The following ATP6V1E1 variants were observed in gnomAD, a reference collection of about 807,000 sequenced individuals.
ATP6V1E1 encodes V-type proton ATPase subunit E 1.
Under a neutral mutation model 35.2 loss-of-function variants are expected in ATP6V1E1, and 21 were observed. The observed-to-expected ratio is 0.60, with a 90% CI of 0.42 to 0.86. The LOEUF (loss-of-function observed/expected upper bound fraction) is 0.86, where lower values mean the gene tolerates loss of function less well. Ranked by LOEUF, ATP6V1E1 falls within the 40% of genes least tolerant of loss-of-function variation. ATP6V1E1 has a pLI of 0.00. For missense variants in ATP6V1E1, 183 were observed against 272.6 expected (o/e 0.67, Z 2.32); for synonymous variants, 83 against 87.8 (o/e 0.95, Z 0.30).
rs79852314 is a variant in ATP6V1E1, at chr22:17,612,673, G to C, written c.276+139C>G. The C allele has an allele frequency of 4.3e-3, 3,373 of 780,056 alleles. 88 individuals carry two copies. In the African/African-American group the frequency reaches 0.055, roughly 13 times the overall value. The allele number at this position is 780,056 out of a possible 1,614,324, so 48.3% of individuals were successfully genotyped here. ...CAGGCCTTGGCTCTTATTCACTTTT[G>C]TATTTATTATAATAATTGGAATGTT... On this transcript the variant is annotated intron_variant, in intron 4 of 8. Transcript: ENST00000253413.
intron 1 of ATP6V1E1, among the ~76,000 whole-genome samples, chr22:17,621,853 C>T (rs5747285): frequency 0.53 from 80,611 of 151,948 alleles, 22,473 homozygotes; most frequent in African/African-American, 0.69. Flanking sequence ...TCCTCTATCA[C>T]GGCACCTAAA....
At position 17,598,040 on chromosome 22, in the gene ATP6V1E1, C is replaced by T; in HGVS notation, c.530+154G>A. Reference sequence around the variant, plus strand: ...GGAGAGCAAGAGAGCACTGCGAGAACAACAGGAACGGCTGCAAGTAGAATA... The same window carrying T: ...GGAGAGCAAGAGAGCACTGCGAGAATAACAGGAACGGCTGCAAGTAGAATA... On this transcript the variant is annotated intron_variant, in intron 7 of 8. Transcript: ENST00000253413. The T allele has an allele frequency of 3.1e-6, 2 of 643,646 alleles. 1 individual carries two copies. Among genetic ancestry groups the T allele is most frequent in the South Asian group, 3.8e-5 (2 of 52,580 alleles). The allele number at this position is 643,646 out of a possible 1,614,324, so 39.9% of individuals were successfully genotyped here.
chr22:17,628,450 C>A (rs1210654928), intron 1 of ATP6V1E1, among the ~76,000 whole-genome samples, 153 bp downstream of exon 1: 1 of 152,254 alleles, frequency 6.6e-6, no homozygotes, highest in African/African-American at 2.4e-5. Context: ...AAATCTCCGT[C>A]CTCAGGCCGA....
At chr22:17,621,009 C>T (rs1246090776) in intron 1 of ATP6V1E1, among the ~76,000 whole-genome samples, 1 of 152,048 alleles carries the variant, frequency 6.6e-6, no homozygotes, top group Non-Finnish European at 1.5e-5. Context: ...TTGCAGTGAG[C>T]CGAGATCGCG....
At chr22:17,612,526 A>G (rs2057820334) in intron 4 of ATP6V1E1, 1 of 289,940 alleles carries the variant, frequency 3.4e-6, no homozygotes, top group Non-Finnish European at 6.4e-6. Flanking sequence ...TGTATTAACC[A>G]TCCTATGGTT....
chr22:17,598,836 G>A (rs992553066), intron 6 of ATP6V1E1, among the ~76,000 whole-genome samples: 21 of 152,166 alleles, frequency 1.4e-4, no homozygotes, highest in East Asian at 3.8e-4. Flanking sequence ...ACAGACAAAC[G>A]GATAGAAAGC....
At chr22:17,601,296 T>C in intron 4 of ATP6V1E1, 115 bp from the exon 5 acceptor site, 1 of 774,782 alleles carries the variant, frequency 1.3e-6, no homozygotes, top group Non-Finnish European at 2.1e-6. Context: ...TTGCTGGATT[T>C]TCATTCAACA....
intron 8 of ATP6V1E1, among the ~76,000 whole-genome samples, chr22:17,593,678 T>C (rs2057716397): frequency 6.6e-6 from 1 of 152,120 alleles, no homozygotes; most frequent in African/African-American, 2.4e-5. Flanking sequence ...TATGAAAAAA[T>C]CAAGGTGAAA....
chr22:17,601,671 A>C (rs1454363567), intron 4 of ATP6V1E1, among the ~76,000 whole-genome samples: 1 of 152,196 alleles, frequency 6.6e-6, no homozygotes, highest in Non-Finnish European at 1.5e-5. Flanking sequence ...GCAATGGTGC[A>C]ATCTCGGCTC....
chr22:17,610,371 T>A (rs1424348477), intron 4 of ATP6V1E1, among the ~76,000 whole-genome samples: 1 of 152,186 alleles, frequency 6.6e-6, no homozygotes, highest in Non-Finnish European at 1.5e-5. Flanking sequence ...GTTGTTTACA[T>A]CCAGTTATGA....
intron 4 of ATP6V1E1, among the ~76,000 whole-genome samples, chr22:17,607,577 G>A (rs1482541854): frequency 6.7e-6 from 1 of 149,326 alleles, no homozygotes; most frequent in Non-Finnish European, 1.5e-5. Context: ...CTCTGGAATA[G>A]GCCTGTCTTC....
At chr22:17,609,820 T>C (rs544134164) in intron 4 of ATP6V1E1, among the ~76,000 whole-genome samples, 39 of 152,064 alleles carry the variant, frequency 2.6e-4, no homozygotes, top group Non-Finnish European at 5.0e-4. Flanking sequence ...CCACTGTGTG[T>C]CATGAGAGAT....
In ATP6V1E1 at chr22:17,612,909, T is replaced by C. The variant is rs749951467; in HGVS notation, c.210-31A>G. On this transcript the variant is annotated intron_variant, in intron 3 of 8. Transcript: ENST00000253413. ...AAACGGTATTGAAAAATAGCATTAG[T>C]AACAACTTAAAACTGTAGAGAAAGA... 1.9e-6 allele frequency: 3 copies of C among 1,576,742 alleles called. No individual in the cohort carries two copies. The African/African-American group carries it at 4.1e-5, about 21-fold the overall frequency.
At chr22:17,614,707 A>G (rs2057833694) in intron 2 of ATP6V1E1, among the ~76,000 whole-genome samples, 1 of 149,336 alleles carries the variant, frequency 6.7e-6, no homozygotes, top group Admixed American at 6.7e-5. Flanking sequence ...GGTGGCTCAC[A>G]CCTGTAATCC....
chr22:17,604,743 C>T (rs8135195), intron 4 of ATP6V1E1, among the ~76,000 whole-genome samples: 86,649 of 151,494 alleles, frequency 0.57, 27,194 homozygotes, highest in African/African-American at 0.84. Flanking sequence ...GGTCTCGAAC[C>T]CCGGACCTCA....
At chr22:17,623,734 A>C (rs1012870890) in intron 1 of ATP6V1E1, among the ~76,000 whole-genome samples, 3 of 152,134 alleles carry the variant, frequency 2.0e-5, no homozygotes, top group Non-Finnish European at 2.9e-5. Context: ...TTGGCCTCTA[A>C]AGGTGAACCC....
chr22:17,619,634 C>T, intron 1 of ATP6V1E1, 108 bp from the exon 2 acceptor site: 1 of 941,870 alleles, frequency 1.1e-6, no homozygotes, highest in Non-Finnish European at 1.6e-6. Flanking sequence ...GCCCGTAATC[C>T]TACCACTCTG....
intron 4 of ATP6V1E1, among the ~76,000 whole-genome samples, chr22:17,609,349 G>A (rs912131490): frequency 6.7e-6 from 1 of 150,012 alleles, no homozygotes; most frequent in Admixed American, 6.7e-5. Flanking sequence ...TTTTAGTAGA[G>A]ACAGGGCACC....
intron 7 of ATP6V1E1, among the ~76,000 whole-genome samples, chr22:17,596,875 T>G (rs182174802): frequency 7.9e-4 from 120 of 152,116 alleles, no homozygotes; most frequent in Non-Finnish European, 1.2e-3. Flanking sequence ...CCAGGTCCCA[T>G]AGTAGCAAAA....
Sources: gnomAD v4.1 joint callset for allele counts (sites outside exome capture counted in the v4.1 genomes callset) on GRCh38, gnomAD v4.1.1 for gene constraint, MANE v1.5 for transcripts, NCBI Gene and HGNC (gene_info 2026-07-23, HGNC 2026-07-21) for gene names.